Variants in KCNG1 observed in about 807,000 individuals in gnomAD.
The protein encoded by KCNG1 is potassium voltage-gated channel modifier subfamily G member 1.
KCNG1 carries 17 observed loss-of-function variants against 32.4 expected under a neutral mutation model. That is an observed-to-expected ratio of 0.52 (90% CI 0.36 to 0.79). KCNG1 has a LOEUF of 0.79. Among genes scored for constraint, KCNG1 ranks in the 30% least tolerant of loss-of-function variants. KCNG1 has a pLI of 0.00. For synonymous variants in KCNG1, 358 were observed against 339.9 expected (o/e 1.05, Z -0.59); for missense variants, 441 against 735.2 (o/e 0.60, Z 4.63).
chr20:51,011,247 A>G (rs1988080544), intron 1 of KCNG1, among the ~76,000 whole-genome samples: 1 of 152,242 alleles, frequency 6.6e-6, no homozygotes. Context: ...CAGAATGTGA[A>G]GGGGTCTCTG....
At chr20:51,009,388 G>T in intron 2 of KCNG1, 177 bp downstream of exon 2, 1 of 775,094 alleles carries the variant, frequency 1.3e-6, no homozygotes, top group Non-Finnish European at 2.0e-6. Flanking sequence ...GGACCCCCAT[G>T]ATGCTCACAT....
Position 51,009,827 on chromosome 20 carries a change from T to C in KCNG1, c.512A>G (p.Gln171Arg). 4 of 1,613,354 alleles carry C rather than the reference T, an allele frequency of 2.5e-6. No homozygotes were observed. The highest frequency in any genetic ancestry group is 3.4e-6 in the Non-Finnish European group (4 of 1,179,936). The change falls in exon 2 of 3, where the codon CAG becomes CGG. Residue 171 changes from glutamine (Q) to arginine (R), a missense_variant. Physicochemically the swap from Gln to Arg is conservative, Grantham distance 43. Transcript: ENST00000371571. ...LDGCCKRRYL[Q>R]KIEEFAEMVE... ...CATCTCCGCGAACTCCTCAATCTTC[T>C]GCAGGTAGCGGCGCTTGCAGCAGCC... is the stretch of plus-strand genomic sequence containing the variant.
At chr20:51,017,821 T>C (rs1235096186) in intron 1 of KCNG1, among the ~76,000 whole-genome samples, 2 of 152,062 alleles carry the variant, frequency 1.3e-5, no homozygotes, top group African/African-American at 4.8e-5. Flanking sequence ...AACGTGTCAA[T>C]CTCCTAGAGG....
Position 51,004,191 on chromosome 20 carries a change from A to G in KCNG1, c.1390T>C (p.Ser464Pro). 6.2e-7 allele frequency: 1 copy of G among 1,613,938 alleles called. No homozygotes were observed. The highest frequency in any genetic ancestry group is 1.1e-5 in the South Asian group (1 of 91,054). ...FPVTSIFHTF[S>P]RSYLELKQEQ... ...TGCTTGAGCTCCAGGTAGGAGCGGG[A>G]GAAGGTGTGGAAGATGGAGGTGACT... Residue 464 changes from serine (S) to proline (P), a missense_variant, in exon 3 of 3, where the codon TCC becomes CCC. Physicochemically the swap from Ser to Pro is moderately conservative, Grantham distance 74. Coordinates refer to ENST00000371571, the MANE Select transcript of KCNG1 (RefSeq NM_002237.4). This position sits in a 1 kb window ranked among gnomAD's most constrained non-coding sequence, Gnocchi z 4.3.
At chr20:51,014,391 G>T (rs1405279189) in intron 1 of KCNG1, among the ~76,000 whole-genome samples, 2 of 152,176 alleles carry the variant, frequency 1.3e-5, no homozygotes, top group Admixed American at 6.5e-5. Flanking sequence ...ATCCTCACAA[G>T]AAATTTTTTA....
Position 51,015,502 on chromosome 20 carries a change from G to C in KCNG1, c.-26-5138C>G, listed in dbSNP as rs1988249345. ...GGTGTCACCTGGCAGCTTTGACCTGGCTAGGCTGGCAGGGGCCGGAGGGCC... is the reference window on the plus strand; with the variant it reads ...GGTGTCACCTGGCAGCTTTGACCTGCCTAGGCTGGCAGGGGCCGGAGGGCC... On this transcript the variant is annotated intron_variant, in intron 1 of 2. Transcript: ENST00000371571. This position sits in a 1 kb window ranked among gnomAD's most constrained non-coding sequence, Gnocchi z 4.4. 1.3e-5 allele frequency among the ~76,000 whole-genome samples: 2 copies of C among 152,180 alleles called. No homozygotes were observed. The highest frequency in any genetic ancestry group is 2.9e-5 in the Non-Finnish European group (2 of 68,032).
At chr20:51,022,263 C>T (rs1988510114) in intron 1 of KCNG1, among the ~76,000 whole-genome samples, 2 of 152,308 alleles carry the variant, frequency 1.3e-5, no homozygotes, top group South Asian at 4.1e-4. Context: ...TCCATACCTC[C>T]GGGCTGAGCC....
chr20:51,020,196 C>T (rs954738303), intron 1 of KCNG1, among the ~76,000 whole-genome samples: 5 of 152,190 alleles, frequency 3.3e-5, no homozygotes, highest in South Asian at 2.1e-4. Context: ...ACCAAATGCA[C>T]GTTTGCGTTT....
chr20:51,010,363 G>A lies in KCNG1; in HGVS notation c.-25C>T. The A allele has an allele frequency of 6.7e-7, 1 of 1,499,046 alleles. No individual in the cohort carries two copies. The highest frequency in any genetic ancestry group is 1.3e-5 in the South Asian group (1 of 74,750). The allele number at this position is 1,499,046 out of a possible 1,614,324, so 92.9% of individuals were successfully genotyped here. The stretch of plus-strand genomic sequence containing the variant: ...TTTTGGGCCTTCACATCCCTCTCGG[G>A]CCTGTGGGGAGAAGGGAGGGAAGAC... On this transcript the variant is annotated splice_region_variant and 5_prime_UTR_variant, in exon 2 of 3. Transcript: ENST00000371571.
rs756826837 is a variant in KCNG1, at chr20:51,004,620, C to T, written c.961G>A (p.Ala321Thr). 3.1e-6 allele frequency: 5 copies of T among 1,588,146 alleles called. 1 individual carries two copies. Among genetic ancestry groups the T allele is most frequent in the East Asian group, 2.3e-5 (1 of 43,452 alleles). ...CCGGGCTTGCGACGGCCTGCGGCGG[C>T]GCCGTCCACCAGCAGCGTGATGTAG... ...PYYITLLVDG[A>T]AAGRRKPGAG... Residue 321 changes from alanine to threonine, a missense_variant, in exon 3 of 3, where the codon GCC (alanine) becomes ACC (threonine). This residue lies in a region of KCNG1 where 169 missense variants were observed against 297.7 expected (regional missense o/e 0.57). Transcript: ENST00000371571. The surrounding 1 kb of genome is among the most constrained non-coding windows in gnomAD (Gnocchi z 4.3).
At position 51,005,547 on chromosome 20, in the gene KCNG1, A is replaced by C. The variant is rs1045088671; in HGVS notation, c.775-741T>G. 2 of 152,222 alleles carry C rather than the reference A, an allele frequency of 1.3e-5. No homozygotes were observed. The highest frequency in any genetic ancestry group is 4.8e-5 in the African/African-American group (2 of 41,456). 9.4% of individuals were successfully genotyped at this position (152,222 alleles called of 1,614,324 possible). ...GGCTGGAAATGTGCAGTTTTACATG[A>C]ACTCTCCTGGTGACAAATGTTGGTG... On this transcript the variant is annotated intron_variant, in intron 2 of 2. Transcript: ENST00000371571. This position sits in a 1 kb window ranked among gnomAD's most constrained non-coding sequence, Gnocchi z 4.0.
intron 1 of KCNG1, among the ~76,000 whole-genome samples, chr20:51,017,553 A>C (rs1242197444): frequency 6.6e-6 from 1 of 152,150 alleles, no homozygotes; most frequent in Non-Finnish European, 1.5e-5. Context: ...TCTGGGTTTT[A>C]ACCCAGGTTT....
At position 51,015,115 on chromosome 20, in the gene KCNG1, C is replaced by T. The variant is rs1988231658; in HGVS notation, c.-26-4751G>A. On this transcript the variant is annotated intron_variant, in intron 1 of 2. Coordinates refer to ENST00000371571, the MANE Select transcript of KCNG1 (RefSeq NM_002237.4). The surrounding 1 kb of genome is among the most constrained non-coding windows in gnomAD (Gnocchi z 4.4). ...AGTGGACAACGAGTGGGCTGGGGAG[C>T]CCAGGCTGGAGGCTATGGAAGTCAT... Among the ~76,000 whole-genome samples the T allele has an allele frequency of 6.6e-6, 1 of 152,010 alleles. No individual in the cohort carries two copies. Among genetic ancestry groups the T allele is most frequent in the Non-Finnish European group, 1.5e-5 (1 of 68,016 alleles).
In KCNG1 at chr20:51,015,234, A is replaced by AG. The variant is rs1375628332; in HGVS notation, c.-26-4871dup. On this transcript the variant is annotated intron_variant, in intron 1 of 2. Transcript: ENST00000371571. This position sits in a 1 kb window ranked among gnomAD's most constrained non-coding sequence, Gnocchi z 4.4. Reference sequence around the variant, plus strand: ...GAGGAAGAGCCCTCAGGACTGGCTGAGGAATGGGGCCTGGGGGAGGGGGAA... The same window carrying AG: ...GAGGAAGAGCCCTCAGGACTGGCTGAGGGAATGGGGCCTGGGGGAGGGGGAA... Among the ~76,000 whole-genome samples the AG allele has an allele frequency of 1.3e-5, 2 of 151,588 alleles. No individual in the cohort carries two copies. Among genetic ancestry groups the AG allele is most frequent in the Non-Finnish European group, 2.9e-5 (2 of 67,946 alleles).
intron 1 of KCNG1, among the ~76,000 whole-genome samples, chr20:51,012,595 C>G (rs1162044151): frequency 6.6e-6 from 1 of 152,208 alleles, no homozygotes; most frequent in East Asian, 1.9e-4. Flanking sequence ...TCCCAACCCT[C>G]AAAGCTAAGG....
Position 51,005,047 on chromosome 20 carries a change from C to T in KCNG1, c.775-241G>A. The T allele has an allele frequency of 2.4e-6, 1 of 410,614 alleles. No homozygotes were observed. The highest frequency in any genetic ancestry group is 4.3e-6 in the Non-Finnish European group (1 of 233,680). The allele number at this position is 410,614 out of a possible 1,614,324, so 25.4% of individuals were successfully genotyped here. ...CCACCTCAGCCCTGAACTCCAGACC[C>T]CCAACAGGCTGCCTCCCTGACGCTC... On this transcript the variant is annotated intron_variant, in intron 2 of 2. Coordinates refer to ENST00000371571, the MANE Select transcript of KCNG1 (RefSeq NM_002237.4). The surrounding 1 kb of genome is among the most constrained non-coding windows in gnomAD (Gnocchi z 4.0).
At chr20:51,019,262 A>G (rs1023110703) in intron 1 of KCNG1, among the ~76,000 whole-genome samples, 3 of 152,312 alleles carry the variant, frequency 2.0e-5, no homozygotes, top group South Asian at 4.1e-4. Context: ...CTGGAATCCT[A>G]GCACTTTGGG....
intron 1 of KCNG1, among the ~76,000 whole-genome samples, chr20:51,017,494 G>A (rs1432699187): frequency 6.6e-6 from 1 of 152,198 alleles, no homozygotes; most frequent in Non-Finnish European, 1.5e-5. Context: ...AGACAGCCTG[G>A]CACAGGCCAA....
chr20:51,020,078 T>A (rs1988419255), intron 1 of KCNG1, among the ~76,000 whole-genome samples: 1 of 151,940 alleles, frequency 6.6e-6, no homozygotes, highest in Admixed American at 6.6e-5. Context: ...CTTCCCTCCA[T>A]CCCTCCCTTG....
Sources: allele counts gnomAD v4.1 joint callset (sites outside exome capture counted in the v4.1 genomes callset), GRCh38; gene constraint gnomAD v4.1.1; regional missense constraint gnomAD v4.1.1; non-coding constraint Gnocchi (gnomAD v3.1); transcripts MANE v1.5; gene names NCBI Gene and HGNC (gene_info 2026-07-23, HGNC 2026-07-21).